Variants in SORL1 observed in about 807,000 individuals in gnomAD.
The protein encoded by SORL1 is sortilin related receptor 1.
Under a neutral mutation model 273.7 loss-of-function variants are expected in SORL1, and 127 were observed. That is an observed-to-expected ratio of 0.46 (90% confidence interval 0.40 to 0.54). The LOEUF (loss-of-function observed/expected upper bound fraction) is 0.54. Ranked by LOEUF, SORL1 falls within the 20% of genes least tolerant of loss-of-function variation. The probability of loss-of-function intolerance (pLI) is 0.00; values close to 1 mark genes in which losing one functional copy is unlikely to be tolerated. For missense variants in SORL1, 2,494 were observed against 2,846.1 expected (o/e 0.88, Z 2.81); for synonymous variants, 1,031 against 1,067.4 (o/e 0.97, Z 0.66).
intron 40 of SORL1, among the ~76,000 whole-genome samples, chr11:121,614,017 T>C (rs1264086897): frequency 1.3e-5 from 2 of 152,250 alleles, no homozygotes; most frequent in East Asian, 1.9e-4. Context: ...TTAAATACTT[T>C]ACCCAAGGTT....
intron 14 of SORL1, among the ~76,000 whole-genome samples, chr11:121,548,573 T>C (rs1359978006): frequency 6.6e-6 from 1 of 152,196 alleles, no homozygotes; most frequent in African/African-American, 2.4e-5. Flanking sequence ...TCTTTTTGTT[T>C]TTTGTTTTTC....
chr11:121,455,544 G>A (rs1288096278), intron 1 of SORL1, among the ~76,000 whole-genome samples: 2 of 152,224 alleles, frequency 1.3e-5, no homozygotes, highest in African/African-American at 2.4e-5. Context: ...CCTCTGCTTC[G>A]CTAATGTCTT....
rs1863861778 is a variant in SORL1, at chr11:121,630,612, G to A, written c.*1049G>A. Reference sequence around the variant, plus strand: ...TGATATATGCAGTCATTTTGAATTGGACAGTGCCTTCTCTTTTTTTTTCTC... The same window carrying A: ...TGATATATGCAGTCATTTTGAATTGAACAGTGCCTTCTCTTTTTTTTTCTC... On this transcript the variant is annotated 3_prime_UTR_variant, in exon 48 of 48. Transcript: ENST00000260197. 1 of 152,072 alleles carries A rather than the reference G, an allele frequency of 6.6e-6. No homozygotes were observed. Among genetic ancestry groups the A allele is most frequent in the South Asian group, 2.1e-4 (1 of 4,822 alleles). 9.4% of individuals were successfully genotyped at this position (152,072 alleles called of 1,614,324 possible).
At chr11:121,471,563 T>A (rs943700079) in intron 2 of SORL1, among the ~76,000 whole-genome samples, 4 of 152,210 alleles carry the variant, frequency 2.6e-5, no homozygotes, top group Non-Finnish European at 5.9e-5. Flanking sequence ...TCGGTCACCC[T>A]GCATTCTGGC....
chr11:121,508,270 A>G (rs1017198300), intron 6 of SORL1, among the ~76,000 whole-genome samples: 1 of 152,200 alleles, frequency 6.6e-6, no homozygotes, highest in Non-Finnish European at 1.5e-5. Flanking sequence ...TTTCTTGAGC[A>G]TACTCACGGC....
intron 11 of SORL1, among the ~76,000 whole-genome samples, chr11:121,528,930 G>A (rs1862161982): frequency 6.6e-6 from 1 of 152,068 alleles, no homozygotes; most frequent in South Asian, 2.1e-4. Flanking sequence ...TTGATTTTTG[G>A]GGGTTCTAGT....
intron 23 of SORL1, among the ~76,000 whole-genome samples, 175 bp from the exon 24 acceptor site, chr11:121,574,066 T>G (rs1030163291): frequency 6.6e-6 from 1 of 152,226 alleles, no homozygotes. Context: ...CTCTCTTGGT[T>G]GTAAATTTCA....
intron 1 of SORL1, among the ~76,000 whole-genome samples, chr11:121,453,362 A>G (rs1326254612): frequency 6.6e-6 from 1 of 152,194 alleles, no homozygotes; most frequent in African/African-American, 2.4e-5. Flanking sequence ...TTAGATCATA[A>G]GTAACGTGAA....
At chr11:121,610,433 A>G (rs1018173376) in intron 38 of SORL1, 23 of 152,200 alleles carry the variant, frequency 1.5e-4, no homozygotes, top group Admixed American at 1.5e-3. Flanking sequence ...TTAGTTGGCC[A>G]TATGTGACGC....
At chr11:121,462,544 A>T (rs2134770963) in intron 1 of SORL1, among the ~76,000 whole-genome samples, 1 of 152,256 alleles carries the variant, frequency 6.6e-6, no homozygotes, top group East Asian at 1.9e-4. Context: ...TCCCTACTAT[A>T]TTCAGAGCTA....
chr11:121,564,884 A>G (rs995667713), intron 21 of SORL1, among the ~76,000 whole-genome samples: 1 of 152,168 alleles, frequency 6.6e-6, no homozygotes, highest in African/African-American at 2.4e-5. Flanking sequence ...GTAATAGAGT[A>G]TTTTAAAATA....
chr11:121,624,799 G>A (rs1863769922), intron 45 of SORL1, among the ~76,000 whole-genome samples: 1 of 152,062 alleles, frequency 6.6e-6, no homozygotes. Context: ...CTCTGAGTGT[G>A]GCTTTGGTAA....
Position 121,597,394 on chromosome 11 carries a change from GT to G in SORL1, c.4519+1630del, listed in dbSNP as rs3837401. Among the ~76,000 whole-genome samples the G allele has an allele frequency of 8.0e-5, 12 of 150,076 alleles. No homozygotes were observed. The East Asian group carries it at 2.2e-3, about 27-fold the overall frequency. ...GTTTCTGGCAATACAAATTCTTTGT[GT>G]TTTTTTTCTGGCAGGCATTGATCAG... is the stretch of plus-strand genomic sequence containing the variant. On this transcript the variant is annotated intron_variant, in intron 32 of 47. Coordinates refer to ENST00000260197, the MANE Select transcript of SORL1 (RefSeq NM_003105.6).
At chr11:121,490,240 C>A in intron 5 of SORL1, 130 bp downstream of exon 5, 1 of 670,158 alleles carries the variant, frequency 1.5e-6, no homozygotes. Flanking sequence ...TTTTCCAGAT[C>A]TGAGAATTAG....
chr11:121,505,172 C>A (rs1410392548), intron 6 of SORL1, among the ~76,000 whole-genome samples: 1 of 151,984 alleles, frequency 6.6e-6, no homozygotes, highest in Non-Finnish European at 1.5e-5. Context: ...CTCTTTGGTT[C>A]AGTTTCAGCA....
intron 2 of SORL1, among the ~76,000 whole-genome samples, chr11:121,472,370 T>C (rs1319673508): frequency 2.6e-5 from 4 of 152,212 alleles, no homozygotes; most frequent in African/African-American, 9.7e-5. Flanking sequence ...TTAAGCATTG[T>C]TTTATAGTTT....
intron 1 of SORL1, chr11:121,453,082 T>G: frequency 6.5e-6 from 1 of 154,552 alleles, no homozygotes; most frequent in Non-Finnish European, 1.4e-5. Context: ...GCTTGTCGAC[T>G]ATCTCTGTAC....
intron 16 of SORL1, among the ~76,000 whole-genome samples, chr11:121,551,692 C>T (rs1013623920): frequency 1.3e-5 from 2 of 152,188 alleles, no homozygotes; most frequent in African/African-American, 4.8e-5. Context: ...AGTGTGTGGT[C>T]TCCACAGGCA....
At position 121,555,236 on chromosome 11, in the gene SORL1, G is replaced by A. The variant is rs1187489264; in HGVS notation, c.2489G>A (p.Gly830Asp). The stretch of plus-strand genomic sequence containing the variant: ...GGGCAAGAGGTGATCATCAATTCTG[G>A]CCTGGAGACAGTAGAAGCTTTGGCT... The part of the protein sequence containing the change: ...STGQEVIINS[G>D]LETVEALAFE... The change falls in exon 18 of 48, where the codon GGC becomes GAC. Residue 830 changes from glycine to aspartate, a missense_variant. Around this residue, in one of 3 missense-constraint regions of SORL1, gnomAD observed 1,609 missense variants for 1,816.4 expected, o/e 0.89. Coordinates refer to ENST00000260197, the MANE Select transcript of SORL1 (RefSeq NM_003105.6). 7 of 1,614,096 alleles carry A rather than the reference G, an allele frequency of 4.3e-6. No individual in the cohort carries two copies. The highest frequency in any genetic ancestry group is 2.2e-5 in the East Asian group (1 of 44,884).
Sources: allele counts gnomAD v4.1 joint callset (sites outside exome capture counted in the v4.1 genomes callset), GRCh38; gene constraint gnomAD v4.1.1; regional missense constraint gnomAD v4.1.1; transcripts MANE v1.5; gene names NCBI Gene and HGNC (gene_info 2026-07-23, HGNC 2026-07-21).